Variants in CCDC73 observed in about 807,000 individuals in gnomAD.
CCDC73 encodes coiled-coil domain containing 73.
CCDC73 carries 95 observed loss-of-function variants against 116.5 expected under a neutral mutation model. The ratio of observed to expected loss-of-function variants is 0.82; its 90% CI spans 0.69 to 0.97. CCDC73 has a LOEUF of 0.97. Ranked by LOEUF, CCDC73 falls within the 50% of genes least tolerant of loss-of-function variation. The pLI, the probability that CCDC73 is intolerant of heterozygous loss-of-function variation, is 0.00. For synonymous variants in CCDC73, 398 were observed against 401.3 expected (o/e 0.99, Z 0.10); for missense variants, 1,066 against 1,206.8 (o/e 0.88, Z 1.73).
At chr11:32,743,350 C>T (rs1371175893) in intron 2 of CCDC73, among the ~76,000 whole-genome samples, 2 of 152,088 alleles carry the variant, frequency 1.3e-5, no homozygotes, top group African/African-American at 4.8e-5. Context: ...CACATTAGAA[C>T]TCAGGATTAA....
rs184382283 is a variant in CCDC73, at chr11:32,746,495, C to T, written c.135+13614G>A. Among the ~76,000 whole-genome samples the T allele has an allele frequency of 2.6e-5, 4 of 152,280 alleles. No homozygotes were observed. The East Asian group carries it at 7.7e-4, about 29-fold the overall frequency. On this transcript the variant is annotated intron_variant, in intron 2 of 17. Coordinates refer to ENST00000335185, the MANE Select transcript of CCDC73 (RefSeq NM_001008391.4). ...CCTGCCTTGCTAGGTTGGGGAAGTT[C>T]TCCAGGATAATATCCTGAAGAGTGT...
chr11:32,700,816 T>C lies in CCDC73; in HGVS notation c.290A>G (p.Lys97Arg). The C allele has an allele frequency of 1.4e-6, 2 of 1,448,550 alleles. No individual in the cohort carries two copies. The highest frequency in any genetic ancestry group is 2.5e-5 in the East Asian group (1 of 39,790). 89.7% of individuals were successfully genotyped at this position (1,448,550 alleles called of 1,614,324 possible). Residue 97 changes from lysine (K) to arginine (R), a missense_variant, in exon 5 of 18, where the codon AAG (lysine) becomes AGG (arginine). By Grantham distance (26) the Lys-to-Arg change is conservative. Transcript: ENST00000335185. Reference sequence around the variant, plus strand: ...CTTTTCTTCTTCCAGGGCACACATCTTCATCTGCAACTGATAAACAATTTT... The same window carrying C: ...CTTTTCTTCTTCCAGGGCACACATCCTCATCTGCAACTGATAAACAATTTT... ...MAVFKKQLQM[K>R]MCALEEEKGK...
intron 17 of CCDC73, among the ~76,000 whole-genome samples, chr11:32,606,850 A>C (rs1855358120): frequency 8.1e-6 from 1 of 123,502 alleles, no homozygotes; most frequent in African/African-American, 3.2e-5. Flanking sequence ...TCACTCTGTC[A>C]CCCAGGCTGG....
intron 17 of CCDC73, among the ~76,000 whole-genome samples, chr11:32,609,637 G>A (rs1454612125): frequency 6.6e-6 from 1 of 152,060 alleles, no homozygotes; most frequent in Non-Finnish European, 1.5e-5. Context: ...GCAACACTCT[G>A]CTCCTGGTAC....
At chr11:32,715,032 C>CA (rs1053359192) in intron 3 of CCDC73, among the ~76,000 whole-genome samples, 5 of 152,010 alleles carry the variant, frequency 3.3e-5, no homozygotes, top group African/African-American at 1.2e-4. Flanking sequence ...TGGCTCTTTA[C>CA]AAAAAAAGCT....
intron 12 of CCDC73, among the ~76,000 whole-genome samples, chr11:32,646,511 A>T (rs1565065504): frequency 6.6e-6 from 1 of 152,060 alleles, no homozygotes; most frequent in South Asian, 2.1e-4. Context: ...TCAGAAATCA[A>T]TTTTTTCCCA....
At chr11:32,611,429 GCATTT>G (rs1210365348) in intron 16 of CCDC73, among the ~76,000 whole-genome samples, 164 bp from the exon 17 acceptor site, 1 of 152,038 alleles carries the variant, frequency 6.6e-6, no homozygotes, top group Non-Finnish European at 1.5e-5. Context: ...CTTAAATTAG[GCATTT>G]CATTTCTGAA....
the CCDC73 span, among the ~76,000 whole-genome samples, chr11:32,820,228 A>T: frequency 6.6e-6 from 1 of 152,006 alleles, no homozygotes; most frequent in Non-Finnish European, 1.5e-5. Context: ...GCAATCACTC[A>T]CTGCAGCCTC....
intron 6 of CCDC73, among the ~76,000 whole-genome samples, chr11:32,691,045 C>A (rs537605445): frequency 1.9e-3 from 282 of 150,424 alleles, no homozygotes; most frequent in Non-Finnish European, 1.1e-3. Context: ...CCCTGGCAAC[C>A]ACTTTTTTTT....
Position 32,613,547 on chromosome 11 carries a change from G to C in CCDC73, c.2771C>G (p.Ser924Trp). ...NHIESQTASS[S>W]TPCISLLLKE... ...CAGCAACAAAGAAATGCAAGGGGTCGAACTGCTCGCTGTTTGACTTTCAAT... is the reference window on the plus strand; with the variant it reads ...CAGCAACAAAGAAATGCAAGGGGTCCAACTGCTCGCTGTTTGACTTTCAAT... The change falls in exon 16 of 18, where the codon TCG (serine) becomes TGG (tryptophan). Residue 924 changes from serine (S) to tryptophan (W), a missense_variant. Physicochemically the swap from Ser to Trp is radical, Grantham distance 177. Transcript: ENST00000335185. 1 of 1,614,054 alleles carries C rather than the reference G, an allele frequency of 6.2e-7. No homozygotes were observed. Among genetic ancestry groups the C allele is most frequent in the Non-Finnish European group, 8.5e-7 (1 of 1,179,988 alleles).
intron 2 of CCDC73, among the ~76,000 whole-genome samples, chr11:32,759,232 G>A (rs1010767743): frequency 2.1e-4 from 31 of 150,956 alleles, no homozygotes; most frequent in African/African-American, 7.5e-4. Context: ...ATCCTATATA[G>A]AGTTAAAATT....
intron 2 of CCDC73, among the ~76,000 whole-genome samples, chr11:32,734,176 A>C (rs1034958911): frequency 1.2e-4 from 18 of 152,216 alleles, no homozygotes; most frequent in Admixed American, 2.0e-4. Context: ...ATCTAGAAGA[A>C]ATGGATAAAT....
At chr11:32,804,438 T>C in the CCDC73 span, among the ~76,000 whole-genome samples, 4 of 152,208 alleles carry the variant, frequency 2.6e-5, no homozygotes, top group African/African-American at 4.8e-5. Context: ...GCCAAAGATA[T>C]AATTTCTAGT....
intron 12 of CCDC73, among the ~76,000 whole-genome samples, chr11:32,647,118 A>C (rs1421639700): frequency 6.6e-6 from 1 of 152,198 alleles, no homozygotes; most frequent in Non-Finnish European, 1.5e-5. Context: ...TTGTTAAAGA[A>C]ATACCTGAGA....
intron 2 of CCDC73, among the ~76,000 whole-genome samples, chr11:32,732,529 T>C (rs1019647160): frequency 1.3e-5 from 2 of 152,134 alleles, no homozygotes; most frequent in African/African-American, 4.8e-5. Flanking sequence ...AAACGTCGGG[T>C]TACCCACAAA....
At chr11:32,830,116 C>T in the CCDC73 span, 115 of 994,794 alleles carry the variant, frequency 1.2e-4, no homozygotes, top group East Asian at 9.2e-3. Flanking sequence ...GCCGAAGGAA[C>T]CGCCCCAAGA....
chr11:32,678,537 T>C (rs1231514655), intron 7 of CCDC73, among the ~76,000 whole-genome samples: 1 of 152,200 alleles, frequency 6.6e-6, no homozygotes, highest in East Asian at 1.9e-4. Context: ...TTATTATTCC[T>C]TAACTGGTAG....
At chr11:32,699,786 G>A (rs890734553) in intron 5 of CCDC73, among the ~76,000 whole-genome samples, 3 of 151,794 alleles carry the variant, frequency 2.0e-5, no homozygotes, top group African/African-American at 4.8e-5. Flanking sequence ...TGTTAATGAC[G>A]AGTTAATGGG....
intron 2 of CCDC73, among the ~76,000 whole-genome samples, chr11:32,738,276 C>A (rs561913458): frequency 3.3e-5 from 5 of 152,288 alleles, no homozygotes; most frequent in Non-Finnish European, 5.9e-5. Flanking sequence ...AAGAAACCTG[C>A]AAATTGTTCT....
Sources: gnomAD v4.1 joint callset for allele counts (sites outside exome capture counted in the v4.1 genomes callset) on GRCh38, gnomAD v4.1.1 for gene constraint, MANE v1.5 for transcripts, NCBI Gene and HGNC (gene_info 2026-07-23, HGNC 2026-07-21) for gene names.